The following OR1J4 variants were observed in gnomAD, a reference collection of about 807,000 sequenced individuals.
The protein encoded by OR1J4 is olfactory receptor family 1 subfamily J member 4, also known as olfactory receptor 1J4.
For missense variants in OR1J4, 350 were observed against 371.1 expected (o/e 0.94, Z 0.47); for synonymous variants, 154 against 152.6 (o/e 1.01, Z -0.07).
In OR1J4 at chr9:122,519,598, G is replaced by T; in HGVS notation, c.458G>T (p.Cys153Phe). The part of the protein sequence containing the change: ...LLVTVSWILS[C>F]TNALSHTLLL... ...GTCACTGTGTCCTGGATCCTCTCCT[G>T]TACCAATGCCCTGTCTCACACTCTC... The change falls in exon 1 of 1, where the codon TGT (cysteine) becomes TTT (phenylalanine). Residue 153 changes from cysteine to phenylalanine, a missense_variant. Coordinates refer to ENST00000340750, the MANE Select transcript of OR1J4 (RefSeq NM_001004452.1). 6.2e-7 allele frequency: 1 copy of T among 1,614,024 alleles called. No homozygotes were observed. The highest frequency in any genetic ancestry group is 8.5e-7 in the Non-Finnish European group (1 of 1,179,988).
Position 122,519,797 on chromosome 9 carries a change from C to G in OR1J4, c.657C>G (p.Gly219=), listed in dbSNP as rs748799885. The change falls in exon 1 of 1, where the codon GGC becomes GGG. Residue 219 remains glycine (G), a synonymous_variant. Coordinates refer to ENST00000340750, the MANE Select transcript of OR1J4 (RefSeq NM_001004452.1). The part of the protein sequence containing the change: ...LPLICILISY[G]HIGVTILKAP... ...TAATATGCATCTTGATCTCTTATGG[C>G]CACATTGGGGTCACCATCCTCAAGG... 2 of 1,614,054 alleles carry G rather than the reference C, an allele frequency of 1.2e-6. No individual in the cohort carries two copies. Among genetic ancestry groups the G allele is most frequent in the Non-Finnish European group, 1.7e-6 (2 of 1,180,032 alleles).
chr9:122,520,031 A>G lies in OR1J4; in HGVS notation c.891A>G (p.Ile297Met), dbSNP rs1564186304. ...PFIYSLRNRDIKGALERLFNR... is the reference protein window; with the variant it reads ...PFIYSLRNRDMKGALERLFNR... ...TTTATAGCCTAAGGAACAGGGACAT[A>G]AAGGGAGCCCTGGAGAGACTCTTCA... The change falls in exon 1 of 1, where the codon ATA becomes ATG. Residue 297 changes from isoleucine (I) to methionine (M), a missense_variant. Physicochemically the swap from Ile to Met is conservative, Grantham distance 10 (BLOSUM62 1). Transcript: ENST00000340750. 1 of 1,614,104 alleles carries G rather than the reference A, an allele frequency of 6.2e-7. No homozygotes were observed.
At position 122,519,953 on chromosome 9, in the gene OR1J4, C is replaced by T. The variant is rs763054028; in HGVS notation, c.813C>T (p.Asp271=). ...CATCCAGTGCCTCCAGTGACAAGGA[C>T]GTAATTGCCTCTGTGATGTACACGG... ...LPSSSASSDK[D]VIASVMYTVI... The change falls in exon 1 of 1, where the codon GAC becomes GAT. Residue 271 remains aspartate, a synonymous_variant. Coordinates refer to ENST00000340750, the MANE Select transcript of OR1J4 (RefSeq NM_001004452.1). The T allele has an allele frequency of 1.5e-5, 24 of 1,614,086 alleles. No individual in the cohort carries two copies. The highest frequency in any genetic ancestry group is 1.6e-4 in the Middle Eastern group (1 of 6,062).
Position 122,519,184 on chromosome 9 carries a change from T to C in OR1J4, c.44T>C (p.Leu15Pro), listed in dbSNP as rs201110272. ...AGCAGTGTGTCTGAGTTCCTCCTCC[T>C]GGACCTCCCCATCTGGCCAGAGCAG... ...NQSSVSEFLLLDLPIWPEQQA... is the reference protein window; with the variant it reads ...NQSSVSEFLLPDLPIWPEQQA... The change falls in exon 1 of 1, where the codon CTG becomes CCG. Residue 15 changes from leucine to proline, a missense_variant. Transcript: ENST00000340750. 5.0e-6 allele frequency: 8 copies of C among 1,613,510 alleles called. No homozygotes were observed. Among genetic ancestry groups the C allele is most frequent in the East Asian group, 2.2e-5 (1 of 44,870 alleles).
Position 122,519,870 on chromosome 9 carries a change from C to T in OR1J4, c.730C>T (p.His244Tyr), listed in dbSNP as rs1341382824. 5.0e-6 allele frequency: 8 copies of T among 1,614,164 alleles called. No homozygotes were observed. The highest frequency in any genetic ancestry group is 6.8e-6 in the Non-Finnish European group (8 of 1,180,026). ...IFKALSTCGS[H>Y]LSVVSLYYGT... The stretch of plus-strand genomic sequence containing the variant: ...CAAAGCTTTGTCCACCTGTGGCTCT[C>T]ACCTCTCTGTGGTGTCTCTGTATTA... Residue 244 changes from histidine to tyrosine, a missense_variant, in exon 1 of 1, where the codon CAC becomes TAC. Coordinates refer to ENST00000340750, the MANE Select transcript of OR1J4 (RefSeq NM_001004452.1).
In OR1J4 at chr9:122,519,750, C is replaced by A; in HGVS notation, c.610C>A (p.Gln204Lys). The A allele has an allele frequency of 6.2e-7, 1 of 1,614,160 alleles. No homozygotes were observed. The highest frequency in any genetic ancestry group is 8.5e-7 in the Non-Finnish European group (1 of 1,180,006). The change falls in exon 1 of 1, where the codon CAG becomes AAG. Residue 204 changes from glutamine (Q) to lysine (K), a missense_variant. Coordinates refer to ENST00000340750, the MANE Select transcript of OR1J4 (RefSeq NM_001004452.1). ...LNELVIFTVG[Q>K]AVITLPLICI... is the part of the protein sequence containing the mutation. ...TGAGCTGGTCATTTTCACAGTGGGA[C>A]AGGCAGTCATTACTCTACCACTAAT...
Position 122,520,049 on chromosome 9 carries a change from A to C in OR1J4, c.909A>C (p.Arg303Ser). 6.2e-7 allele frequency: 1 copy of C among 1,613,322 alleles called. No individual in the cohort carries two copies. ...GGGACATAAAGGGAGCCCTGGAGAG[A>C]CTCTTCAACAGGGCAACAGTCTTAT... ...RNRDIKGALE[R>S]LFNRATVLSQ Residue 303 changes from arginine (R) to serine (S), a missense_variant, in exon 1 of 1, where the codon AGA (arginine) becomes AGC (serine). Coordinates refer to ENST00000340750, the MANE Select transcript of OR1J4 (RefSeq NM_001004452.1).
rs1266199404 is a variant in OR1J4 at position 122,519,369 on chromosome 9, A to G, written c.229A>G (p.Thr77Ala). The G allele has an allele frequency of 1.2e-6, 2 of 1,613,986 alleles. No individual in the cohort carries two copies. The highest frequency in any genetic ancestry group is 1.7e-5 in the Admixed American group (1 of 59,988). Reference sequence around the variant, plus strand: ...CACTGACATCTCCCTTTCATCTGTCACTGTCCCAAAGATGTTATTAAGCAT... The same window carrying G: ...CACTGACATCTCCCTTTCATCTGTCGCTGTCCCAAAGATGTTATTAAGCAT... Reference protein sequence around the residue: ...ALTDISLSSVTVPKMLLSMQT... With the variant: ...ALTDISLSSVAVPKMLLSMQT... Residue 77 changes from threonine (T) to alanine (A), a missense_variant, in exon 1 of 1, where the codon ACT (threonine) becomes GCT (alanine). Coordinates refer to ENST00000340750, the MANE Select transcript of OR1J4 (RefSeq NM_001004452.1).
Position 122,519,959 on chromosome 9 carries a change from T to C in OR1J4, c.819T>C (p.Ile273=). The change falls in exon 1 of 1, where the codon ATT becomes ATC. Residue 273 remains isoleucine, a synonymous_variant. Transcript: ENST00000340750. ...SSSASSDKDV[I]ASVMYTVITP... ...GTGCCTCCAGTGACAAGGACGTAAT[T>C]GCCTCTGTGATGTACACGGTGATCA... The C allele has an allele frequency of 6.2e-7, 1 of 1,614,192 alleles. No individual in the cohort carries two copies. Among genetic ancestry groups the C allele is most frequent in the South Asian group, 1.1e-5 (1 of 91,070 alleles).
In OR1J4 at chr9:122,519,987, C is replaced by T; in HGVS notation, c.847C>T (p.Pro283Ser). The T allele has an allele frequency of 6.2e-7, 1 of 1,614,124 alleles. No individual in the cohort carries two copies. Among genetic ancestry groups the T allele is most frequent in the Admixed American group, 1.7e-5 (1 of 60,030 alleles). The change falls in exon 1 of 1, where the codon CCA becomes TCA. Residue 283 changes from proline (P) to serine (S), a missense_variant. By Grantham distance (74) the Pro-to-Ser change is moderately conservative (BLOSUM62 -1). Transcript: ENST00000340750. The stretch of plus-strand genomic sequence containing the variant: ...CTCTGTGATGTACACGGTGATCACC[C>T]CATTGCTGAATCCCTTCATTTATAG... ...IASVMYTVITPLLNPFIYSLR... is the reference protein window; with the variant it reads ...IASVMYTVITSLLNPFIYSLR...
chr9:122,519,375 C>G lies in OR1J4; in HGVS notation c.235C>G (p.Pro79Ala), dbSNP rs1302876397. ...CATCTCCCTTTCATCTGTCACTGTCCCAAAGATGTTATTAAGCATGCAAAC... is the reference window on the plus strand; with the variant it reads ...CATCTCCCTTTCATCTGTCACTGTCGCAAAGATGTTATTAAGCATGCAAAC... The part of the protein sequence containing the change: ...TDISLSSVTV[P>A]KMLLSMQTQD... Residue 79 changes from proline to alanine, a missense_variant, in exon 1 of 1, where the codon CCA (proline) becomes GCA (alanine). Transcript: ENST00000340750. 4 of 1,613,938 alleles carry G rather than the reference C, an allele frequency of 2.5e-6. No individual in the cohort carries two copies. In the Admixed American group the frequency reaches 6.7e-5, roughly 27 times the overall value.
Position 122,519,767 on chromosome 9 carries a change from A to C in OR1J4, c.627A>C (p.Leu209=). 6.2e-7 allele frequency: 1 copy of C among 1,613,994 alleles called. No individual in the cohort carries two copies. The highest frequency in any genetic ancestry group is 8.5e-7 in the Non-Finnish European group (1 of 1,179,976). ...CAGTGGGACAGGCAGTCATTACTCT[A>C]CCACTAATATGCATCTTGATCTCTT... ...IFTVGQAVIT[L]PLICILISYG... is the part of the protein sequence containing the mutation. Residue 209 remains leucine, a synonymous_variant, in exon 1 of 1, where the codon CTA becomes CTC. Transcript: ENST00000340750.
chr9:122,519,812 C>T lies in OR1J4; in HGVS notation c.672C>T (p.Thr224=). 6.2e-7 allele frequency: 1 copy of T among 1,614,166 alleles called. No individual in the cohort carries two copies. The highest frequency in any genetic ancestry group is 8.5e-7 in the Non-Finnish European group (1 of 1,180,030). ...ILISYGHIGV[T]ILKAPSTKGI... is the part of the protein sequence containing the mutation. Reference sequence around the variant, plus strand: ...TCTCTTATGGCCACATTGGGGTCACCATCCTCAAGGCTCCATCTACTAAGG... The same window carrying T: ...TCTCTTATGGCCACATTGGGGTCACTATCCTCAAGGCTCCATCTACTAAGG... The change falls in exon 1 of 1, where the codon ACC becomes ACT. Residue 224 remains threonine, a synonymous_variant. Transcript: ENST00000340750.
rs775854483 is a variant in OR1J4, at chr9:122,519,671, C to T, written c.531C>T (p.Phe177=). Residue 177 remains phenylalanine (F), a synonymous_variant, in exon 1 of 1, where the codon TTC becomes TTT. Coordinates refer to ENST00000340750, the MANE Select transcript of OR1J4 (RefSeq NM_001004452.1). ...SFCADNTIPH[F]FCDLVALLKL... is the part of the protein sequence containing the mutation. Reference sequence around the variant, plus strand: ...GTGCTGACAACACCATCCCCCATTTCTTCTGTGATCTTGTTGCCCTACTCA... The same window carrying T: ...GTGCTGACAACACCATCCCCCATTTTTTCTGTGATCTTGTTGCCCTACTCA... 1.9e-6 allele frequency: 3 copies of T among 1,614,160 alleles called. No individual in the cohort carries two copies. The South Asian group carries it at 3.3e-5, about 18-fold the overall frequency.
rs754144762 is a variant in OR1J4 at position 122,519,692 on chromosome 9, A to G, written c.552A>G (p.Leu184=). ...IPHFFCDLVA[L]LKLSCSDISL... ...ATTTCTTCTGTGATCTTGTTGCCCT[A>G]CTCAAGCTCTCATGCTCAGACATCT... The change falls in exon 1 of 1, where the codon CTA becomes CTG. Residue 184 remains leucine, a synonymous_variant. Coordinates refer to ENST00000340750, the MANE Select transcript of OR1J4 (RefSeq NM_001004452.1). The G allele has an allele frequency of 3.7e-6, 6 of 1,613,880 alleles. No individual in the cohort carries two copies. The South Asian group carries it at 4.4e-5, about 12-fold the overall frequency.
rs1311733985 is a variant in OR1J4 at position 122,519,229 on chromosome 9, T to C, written c.89T>C (p.Leu30Pro). ...GAGCAGCAGGCTGTGTTCTTCACCCTGTTCTTGGGCATGTACCTGATCACG... is the reference window on the plus strand; with the variant it reads ...GAGCAGCAGGCTGTGTTCTTCACCCCGTTCTTGGGCATGTACCTGATCACG... The part of the protein sequence containing the change: ...WPEQQAVFFT[L>P]FLGMYLITVL... Residue 30 changes from leucine (L) to proline (P), a missense_variant, in exon 1 of 1, where the codon CTG becomes CCG. Transcript: ENST00000340750. 2 of 1,613,922 alleles carry C rather than the reference T, an allele frequency of 1.2e-6. No homozygotes were observed. Among genetic ancestry groups the C allele is most frequent in the African/African-American group, 1.3e-5 (1 of 74,908 alleles).
Position 122,520,029 on chromosome 9 carries a change from A to G in OR1J4, c.889A>G (p.Ile297Val), listed in dbSNP as rs781768571. 1 of 1,614,220 alleles carries G rather than the reference A, an allele frequency of 6.2e-7. No homozygotes were observed. Reference protein sequence around the residue: ...PFIYSLRNRDIKGALERLFNR... With the variant: ...PFIYSLRNRDVKGALERLFNR... ...CATTTATAGCCTAAGGAACAGGGAC[A>G]TAAAGGGAGCCCTGGAGAGACTCTT... Residue 297 changes from isoleucine to valine, a missense_variant, in exon 1 of 1, where the codon ATA becomes GTA. Physicochemically the swap from Ile to Val is conservative, Grantham distance 29. Transcript: ENST00000340750.
chr9:122,519,592 T>A lies in OR1J4; in HGVS notation c.452T>A (p.Leu151His), dbSNP rs1292638110. 1 of 1,613,924 alleles carries A rather than the reference T, an allele frequency of 6.2e-7. No individual in the cohort carries two copies. Among genetic ancestry groups the A allele is most frequent in the African/African-American group, 1.3e-5 (1 of 74,866 alleles). Residue 151 changes from leucine to histidine, a missense_variant, in exon 1 of 1, where the codon CTC becomes CAC. Physicochemically the swap from Leu to His is moderately conservative, Grantham distance 99. Transcript: ENST00000340750. ...CNLLVTVSWI[L>H]SCTNALSHTL... ...TTACTAGTCACTGTGTCCTGGATCC[T>A]CTCCTGTACCAATGCCCTGTCTCAC...
At position 122,519,937 on chromosome 9, in the gene OR1J4, C is replaced by A; in HGVS notation, c.797C>A (p.Ala266Asp). Residue 266 changes from alanine to aspartate, a missense_variant, in exon 1 of 1, where the codon GCC (alanine) becomes GAC (aspartate). Coordinates refer to ENST00000340750, the MANE Select transcript of OR1J4 (RefSeq NM_001004452.1). ...CTGTATTTTCTCCCCTCATCCAGTG[C>A]CTCCAGTGACAAGGACGTAATTGCC... ...IGLYFLPSSS[A>D]SSDKDVIASV... The A allele has an allele frequency of 1.2e-6, 2 of 1,614,138 alleles. No individual in the cohort carries two copies. The highest frequency in any genetic ancestry group is 2.2e-5 in the East Asian group (1 of 44,882).
Sources: gnomAD v4.1 joint callset for allele counts on GRCh38, gnomAD v4.1.1 for gene constraint, MANE v1.5 for transcripts, NCBI Gene and HGNC (gene_info 2026-07-23, HGNC 2026-07-21) for gene names.